PLEKHA8: variants seen among roughly 807,000 people sequenced by gnomAD.
PLEKHA8 encodes the protein pleckstrin homology domain containing A8, also known as pleckstrin homology domain-containing family A member 8.
In PLEKHA8, 36 loss-of-function variants were observed where a neutral mutation model predicts 68.2. The ratio of observed to expected loss-of-function variants is 0.53; its 90% CI spans 0.40 to 0.70. The LOEUF is 0.70. Among genes scored for constraint, PLEKHA8 ranks in the 30% least tolerant of loss-of-function variants. The pLI, the probability that PLEKHA8 is intolerant of heterozygous loss-of-function variation, is 0.00. For missense variants in PLEKHA8, 505 were observed against 615.4 expected (o/e 0.82, Z 1.90); for synonymous variants, 211 against 216.1 (o/e 0.98, Z 0.20).
intron 1 of PLEKHA8, among the ~76,000 whole-genome samples, chr7:30,032,584 T>C (rs1790747854): frequency 1.3e-5 from 2 of 152,232 alleles, no homozygotes; most frequent in Admixed American, 1.3e-4. Context: ...CAGTGCTCCA[T>C]TAGACAATAC....
chr7:30,119,022 G>A (rs1015850105), intron 13 of PLEKHA8, among the ~76,000 whole-genome samples: 3 of 152,164 alleles, frequency 2.0e-5, no homozygotes, highest in African/African-American at 7.2e-5. Context: ...AATCAATGGT[G>A]GCCTGAGGGG....
chr7:30,052,918 T>G, intron 7 of PLEKHA8, 52 bp downstream of exon 7: 1 of 1,467,390 alleles, frequency 6.8e-7, no homozygotes, highest in Non-Finnish European at 9.2e-7. Context: ...GATAGAAAAT[T>G]TGGGAATTTG....
chr7:30,036,580 G>A (rs1436171245), intron 1 of PLEKHA8, among the ~76,000 whole-genome samples: 1 of 152,134 alleles, frequency 6.6e-6, no homozygotes, highest in Non-Finnish European at 1.5e-5. Flanking sequence ...TTAAGGTGCT[G>A]GTAGGACATA....
intron 13 of PLEKHA8, chr7:30,116,037 T>C (rs1302886822): frequency 2.0e-5 from 3 of 149,498 alleles, no homozygotes; most frequent in South Asian, 2.1e-4. Context: ...TACATACATG[T>C]GCGCATACGC....
At chr7:30,103,205 C>T (rs1795917195) in intron 13 of PLEKHA8, among the ~76,000 whole-genome samples, 1 of 152,082 alleles carries the variant, frequency 6.6e-6, no homozygotes, top group Non-Finnish European at 1.5e-5. Context: ...AGATATTGTG[C>T]ATAAGAAATG....
chr7:30,056,028 C>T (rs927847176), intron 9 of PLEKHA8, among the ~76,000 whole-genome samples: 12 of 150,844 alleles, frequency 8.0e-5, no homozygotes, highest in African/African-American at 2.7e-4. Context: ...CTGCAAGCTC[C>T]GCCCCCCAGG....
At chr7:30,124,259 T>A (rs1424776908) in intron 13 of PLEKHA8, among the ~76,000 whole-genome samples, 1 of 152,230 alleles carries the variant, frequency 6.6e-6, no homozygotes, top group African/African-American at 2.4e-5. Flanking sequence ...ATATTTACTG[T>A]ATTAAAAATA....
chr7:30,105,341 A>G (rs934179191), intron 13 of PLEKHA8, among the ~76,000 whole-genome samples: 3 of 142,440 alleles, frequency 2.1e-5, no homozygotes, highest in Non-Finnish European at 4.6e-5. Context: ...AAAAAAAGCC[A>G]TTCATGGTGG....
intron 3 of PLEKHA8, among the ~76,000 whole-genome samples, chr7:30,047,027 C>T (rs1792012928): frequency 6.6e-6 from 1 of 152,164 alleles, no homozygotes; most frequent in Non-Finnish European, 1.5e-5. Context: ...CCTAAATGTA[C>T]CCTGAAGAGA....
At chr7:30,056,324 A>G (rs1038911743) in intron 9 of PLEKHA8, among the ~76,000 whole-genome samples, 1 of 129,890 alleles carries the variant, frequency 7.7e-6, no homozygotes, top group African/African-American at 2.8e-5. Context: ...ATATATATAT[A>G]TATATATAAA....
At chr7:30,110,742 A>C (rs548170216) in intron 13 of PLEKHA8, among the ~76,000 whole-genome samples, 1 of 152,282 alleles carries the variant, frequency 6.6e-6, no homozygotes, top group South Asian at 2.1e-4. Flanking sequence ...AGTGAGTGCA[A>C]GTGTGAAGTA....
At position 30,046,195 on chromosome 7, in the gene PLEKHA8, C is replaced by T. The variant is rs755662274; in HGVS notation, c.158-15C>T. On this transcript the variant is annotated splice_polypyrimidine_tract_variant and intron_variant, in intron 2 of 13. Coordinates refer to ENST00000449726, the MANE Select transcript of PLEKHA8 (RefSeq NM_001197026.2). ...GCTCTTCTGAGTCTCTGATCTCCCTCTGTCTTGCTCCCAGTTCATTCTGTA... is the reference window on the plus strand; with the variant it reads ...GCTCTTCTGAGTCTCTGATCTCCCTTTGTCTTGCTCCCAGTTCATTCTGTA... 1.3e-6 allele frequency: 2 copies of T among 1,570,632 alleles called. No homozygotes were observed. Among genetic ancestry groups the T allele is most frequent in the South Asian group, 2.4e-5 (2 of 82,828 alleles).
chr7:30,097,869 G>A (rs955131310), intron 13 of PLEKHA8, among the ~76,000 whole-genome samples: 1 of 152,200 alleles, frequency 6.6e-6, no homozygotes, highest in Admixed American at 6.5e-5. Flanking sequence ...TTGCTGGTGA[G>A]GAGCTGCGTT....
rs145104216 is a variant in PLEKHA8 at position 30,047,767 on chromosome 7, A to G, written c.314-65A>G. ...ACTAGTAAGGATTCCTCTTCTGCAT[A>G]GTATCCTAACTAGTAAATCAGTTGT... On this transcript the variant is annotated intron_variant, in intron 3 of 13. Coordinates refer to ENST00000449726, the MANE Select transcript of PLEKHA8 (RefSeq NM_001197026.2). 534 of 1,478,098 alleles carry G rather than the reference A, an allele frequency of 3.6e-4. 1 individual carries two copies. The African/African-American group carries it at 6.8e-3, about 19-fold the overall frequency. The allele number at this position is 1,478,098 out of a possible 1,614,324, so 91.6% of individuals were successfully genotyped here.
At chr7:30,098,243 A>T (rs570088081) in intron 13 of PLEKHA8, among the ~76,000 whole-genome samples, 23 of 152,106 alleles carry the variant, frequency 1.5e-4, no homozygotes, top group Non-Finnish European at 1.3e-4. Flanking sequence ...CCTACTGGGG[A>T]GTGCCTCCCA....
At chr7:30,049,114 C>A in intron 4 of PLEKHA8, 110 bp from the exon 5 acceptor site, 3 of 1,250,600 alleles carry the variant, frequency 2.4e-6, no homozygotes, top group Non-Finnish European at 3.5e-6. Context: ...CATATTTCAG[C>A]AGGTGGGTAC....
At chr7:30,072,527 G>T (rs1421715207) in intron 12 of PLEKHA8, among the ~76,000 whole-genome samples, 2 of 152,230 alleles carry the variant, frequency 1.3e-5, no homozygotes, top group Admixed American at 6.5e-5. Flanking sequence ...TAGCCACATG[G>T]CAGTGCCATT....
intron 9 of PLEKHA8, among the ~76,000 whole-genome samples, chr7:30,058,217 A>G (rs911255861): frequency 6.6e-6 from 1 of 152,120 alleles, no homozygotes; most frequent in Non-Finnish European, 1.5e-5. Flanking sequence ...CATTGTAGAC[A>G]TGTGAATATT....
chr7:30,113,154 A>G (rs1796326103), intron 13 of PLEKHA8, among the ~76,000 whole-genome samples: 1 of 152,038 alleles, frequency 6.6e-6, no homozygotes, highest in African/African-American at 2.4e-5. Flanking sequence ...GTTTACCCAC[A>G]TTTGCTATTT....
Sources: allele counts gnomAD v4.1 joint callset (sites outside exome capture counted in the v4.1 genomes callset), GRCh38; gene constraint gnomAD v4.1.1; transcripts MANE v1.5; gene names NCBI Gene and HGNC (gene_info 2026-07-23, HGNC 2026-07-21).